Variants in PCNX4 observed in about 807,000 individuals in gnomAD.
The protein encoded by PCNX4 is pecanex 4.
PCNX4 carries 103 observed loss-of-function variants against 107.2 expected under a neutral mutation model. The ratio of observed to expected loss-of-function variants is 0.96; its 90% CI spans 0.82 to 1.13. PCNX4 has a LOEUF of 1.13. Among genes scored for constraint, PCNX4 ranks in the 50% most tolerant of loss-of-function variants. PCNX4 has a pLI of 0.00. For synonymous variants in PCNX4, 541 were observed against 481.7 expected, an observed-to-expected ratio of 1.12 and a Z score of -1.61; for missense variants, 1,528 against 1,379.4, an observed-to-expected ratio of 1.11 and a Z score of -1.71.
intron 1 of PCNX4, among the ~76,000 whole-genome samples, chr14:60,102,726 T>C (rs967189328): frequency 1.3e-5 from 2 of 152,216 alleles, no homozygotes; most frequent in African/African-American, 4.8e-5. Flanking sequence ...TTGAATATTG[T>C]AGAGGTGGCA....
rs747682446 is a variant in PCNX4 at position 60,121,222 on chromosome 14, T to G, written c.1969T>G (p.Leu657Val). The change falls in exon 8 of 11, where the codon TTG (leucine) becomes GTG (valine). Residue 657 changes from leucine (L) to valine (V), a missense_variant. Transcript: ENST00000406854. ...TCTCCTCCTACCTGGATCTCATTACTTGGGCCGTTTTCAGGATCGTTTAAT... is the reference window on the plus strand; with the variant it reads ...TCTCCTCCTACCTGGATCTCATTACGTGGGCCGTTTTCAGGATCGTTTAAT... The part of the protein sequence containing the change: ...LGLLLPGSHY[L>V]GRFQDRLMWI... The G allele has an allele frequency of 1.9e-6, 3 of 1,605,646 alleles. No homozygotes were observed. Among genetic ancestry groups the G allele is most frequent in the Admixed American group, 3.4e-5 (2 of 59,658 alleles).
intron 1 of PCNX4, among the ~76,000 whole-genome samples, chr14:60,095,316 AACAG>A (rs1895403024): frequency 6.6e-6 from 1 of 152,228 alleles, no homozygotes; most frequent in South Asian, 2.1e-4. Flanking sequence ...TACATAAGAT[AACAG>A]ACAAAATGGG....
rs1460760585 is a variant in PCNX4, at chr14:60,135,068, T to G, written c.*847T>G. On this transcript the variant is annotated 3_prime_UTR_variant, in exon 11 of 11. Coordinates refer to ENST00000406854, the MANE Select transcript of PCNX4 (RefSeq NM_001330177.2). ...AAATTTTTATAATACGATCTGAATTTTATTTTCATTCTCTTCTTGCTTAGG... is the reference window on the plus strand; with the variant it reads ...AAATTTTTATAATACGATCTGAATTGTATTTTCATTCTCTTCTTGCTTAGG... 6.6e-6 allele frequency: 1 copy of G among 152,214 alleles called. No homozygotes were observed. Among genetic ancestry groups the G allele is most frequent in the Non-Finnish European group, 1.5e-5 (1 of 68,026 alleles). The allele number at this position is 152,214 out of a possible 1,614,324, so 9.4% of individuals were successfully genotyped here. A position where few individuals can be genotyped will look rare whatever the true frequency, so the allele number is the denominator to read the frequency against.
Position 60,138,915 on chromosome 14 carries a change from A to G in PCNX4, c.*4694A>G, listed in dbSNP as rs1896272526. ...TTGGTGCAGGAATTCTAAGGTCAGA[A>G]TTATCAGAAAGAAGATTAAAGTATA... On this transcript the variant is annotated 3_prime_UTR_variant, in exon 11 of 11. Transcript: ENST00000406854. The G allele has an allele frequency of 6.6e-6, 1 of 152,180 alleles. No individual in the cohort carries two copies. The highest frequency in any genetic ancestry group is 6.5e-5 in the Admixed American group (1 of 15,282). 9.4% of individuals were successfully genotyped at this position (152,180 alleles called of 1,614,324 possible).
chr14:60,107,809 C>G lies in PCNX4; in HGVS notation c.171C>G (p.Val57=). 6.2e-7 allele frequency: 1 copy of G among 1,612,706 alleles called. No individual in the cohort carries two copies. Among genetic ancestry groups the G allele is most frequent in the African/African-American group, 1.3e-5 (1 of 74,996 alleles). Residue 57 remains valine (V), a synonymous_variant, in exon 2 of 11, where the codon GTC becomes GTG. Coordinates refer to ENST00000406854, the MANE Select transcript of PCNX4 (RefSeq NM_001330177.2). The stretch of plus-strand genomic sequence containing the variant: ...TAATGCCATGGGTTTGGGGTGGAGT[C>G]GGAACACTTTTATACCAGTTAGGCA... ...LFLMPWVWGG[V]GTLLYQLGIL...
intron 1 of PCNX4, among the ~76,000 whole-genome samples, chr14:60,099,652 A>G (rs1895491662): frequency 6.6e-6 from 1 of 152,224 alleles, no homozygotes; most frequent in African/African-American, 2.4e-5. Context: ...GTAATAATTT[A>G]TCTTTTAGCT....
chr14:60,108,302 T>G lies in PCNX4; in HGVS notation c.664T>G (p.Phe222Val). The change falls in exon 2 of 11, where the codon TTT becomes GTT. Residue 222 changes from phenylalanine to valine, a missense_variant. Coordinates refer to ENST00000406854, the MANE Select transcript of PCNX4 (RefSeq NM_001330177.2). ...TATGAGACCTCTTTATATTTTTTTC[T>G]TTGTTTCTGTGGATCTGGCACACAG... is the stretch of plus-strand genomic sequence containing the variant. Reference protein sequence around the residue: ...PLMRPLYIFFFVSVDLAHRFV... With the variant: ...PLMRPLYIFFVVSVDLAHRFV... 1 of 1,608,200 alleles carries G rather than the reference T, an allele frequency of 6.2e-7. No individual in the cohort carries two copies. Among genetic ancestry groups the G allele is most frequent in the Non-Finnish European group, 8.5e-7 (1 of 1,178,404 alleles).
intron 8 of PCNX4, among the ~76,000 whole-genome samples, chr14:60,123,293 C>A (rs1895988526): frequency 6.6e-6 from 1 of 151,972 alleles, no homozygotes; most frequent in Non-Finnish European, 1.5e-5. Context: ...TAGGCCATGC[C>A]ATCTATTAAC....
In PCNX4 at chr14:60,124,819, AC is replaced by A; in HGVS notation, c.2651del (p.Pro884LeufsTer26). 1 of 1,613,774 alleles carries A rather than the reference AC, an allele frequency of 6.2e-7. No individual in the cohort carries two copies. Among genetic ancestry groups the A allele is most frequent in the South Asian group, 1.1e-5 (1 of 91,086 alleles). On this transcript the variant is annotated frameshift_variant, in exon 9 of 11. Coordinates refer to ENST00000406854, the MANE Select transcript of PCNX4 (RefSeq NM_001330177.2). LOFTEE classifies it high-confidence loss of function. ...CTTTACAAAGCAGTTCTATTAGGAT[AC>A]CCTGCTGTTGACAAAGGAAAACAAG... ...NDLYKAVLLG[Y>X]PAVDKGKQED...
Position 60,125,719 on chromosome 14 carries a change from T to A in PCNX4, c.3163T>A (p.Tyr1055Asn). The part of the protein sequence containing the change: ...FRELIKYLEE[Y>N]ERDWYIGLVS... ...AGAACTGATTAAGTACCTTGAAGAA[T>A]ATGAACGTGACTGGTACATTGGTTT... Residue 1055 changes from tyrosine to asparagine, a missense_variant, in exon 10 of 11, where the codon TAT becomes AAT. By Grantham distance (143) the Tyr-to-Asn change is moderately radical. Coordinates refer to ENST00000406854, the MANE Select transcript of PCNX4 (RefSeq NM_001330177.2). The A allele has an allele frequency of 6.2e-7, 1 of 1,610,572 alleles. No individual in the cohort carries two copies. Among genetic ancestry groups the A allele is most frequent in the South Asian group, 1.1e-5 (1 of 90,510 alleles).
At position 60,107,619 on chromosome 14, in the gene PCNX4, C is replaced by A; in HGVS notation, c.-20C>A. 6.4e-7 allele frequency: 1 copy of A among 1,563,942 alleles called. No individual in the cohort carries two copies. The highest frequency in any genetic ancestry group is 1.2e-5 in the South Asian group (1 of 84,272). On this transcript the variant is annotated 5_prime_UTR_variant, in exon 2 of 11. Coordinates refer to ENST00000406854, the MANE Select transcript of PCNX4 (RefSeq NM_001330177.2). ...GTGTTACAGAAAAGCATGTGACTTT[C>A]AGAATAATCCCGAGTGAGGATGAGT...
Position 60,136,894 on chromosome 14 carries a change from C to T in PCNX4, c.*2673C>T, listed in dbSNP as rs549405837. The T allele has an allele frequency of 7.2e-5, 11 of 152,538 alleles. No homozygotes were observed. The East Asian group carries it at 1.4e-3, about 19-fold the overall frequency. 9.4% of individuals were successfully genotyped at this position (152,538 alleles called of 1,614,324 possible). On this transcript the variant is annotated 3_prime_UTR_variant, in exon 11 of 11. Coordinates refer to ENST00000406854, the MANE Select transcript of PCNX4 (RefSeq NM_001330177.2). ...GTTAGGCAGCATGTTTCTCACTGCCCGAACCCCTGTGAAATGTTTTACTTT... is the reference window on the plus strand; with the variant it reads ...GTTAGGCAGCATGTTTCTCACTGCCTGAACCCCTGTGAAATGTTTTACTTT...
At chr14:60,129,407 C>G (rs1896114673) in intron 10 of PCNX4, among the ~76,000 whole-genome samples, 1 of 151,926 alleles carries the variant, frequency 6.6e-6, no homozygotes, top group Non-Finnish European at 1.5e-5. Flanking sequence ...TAAAAATTAG[C>G]CAAGTGTGGT....
rs1280670100 is a variant in PCNX4 at position 60,137,209 on chromosome 14, T to A, written c.*2988T>A. ...TGGGCTGCTTTTCTTATAGGAGACA[T>A]GCCAATTCAGGATAAGGTGGTTGAG... On this transcript the variant is annotated 3_prime_UTR_variant, in exon 11 of 11. Coordinates refer to ENST00000406854, the MANE Select transcript of PCNX4 (RefSeq NM_001330177.2). 1 of 152,196 alleles carries A rather than the reference T, an allele frequency of 6.6e-6. No homozygotes were observed. The highest frequency in any genetic ancestry group is 1.5e-5 in the Non-Finnish European group (1 of 68,040). The allele number at this position is 152,196 out of a possible 1,614,324, so 9.4% of individuals were successfully genotyped here. A position where few individuals can be genotyped will look rare whatever the true frequency, so the allele number is the denominator to read the frequency against.
intron 10 of PCNX4, among the ~76,000 whole-genome samples, chr14:60,131,043 A>G (rs1248720382): frequency 6.6e-6 from 1 of 151,244 alleles, no homozygotes; most frequent in Non-Finnish European, 1.5e-5. Context: ...CTTTCTGCTT[A>G]GAACAGAATA....
Position 60,125,229 on chromosome 14 carries a change from C to G in PCNX4, c.3058C>G (p.Gln1020Glu), listed in dbSNP as rs1242970402. The G allele has an allele frequency of 3.2e-6, 5 of 1,579,736 alleles. No individual in the cohort carries two copies. Among genetic ancestry groups the G allele is most frequent in the Admixed American group, 3.8e-5 (2 of 52,670 alleles). ...DWLTEKPELF[Q>E]LALKAFRYTL... The stretch of plus-strand genomic sequence containing the variant: ...GCTCACAGAAAAGCCAGAACTGTTT[C>G]AACTAGCACTGAAAGCATTCAGGTA... Residue 1020 changes from glutamine (Q) to glutamate (E), a missense_variant, in exon 9 of 11, where the codon CAA becomes GAA. Coordinates refer to ENST00000406854, the MANE Select transcript of PCNX4 (RefSeq NM_001330177.2).
At position 60,125,013 on chromosome 14, in the gene PCNX4, T is replaced by C; in HGVS notation, c.2842T>C (p.Tyr948His). Residue 948 changes from tyrosine to histidine, a missense_variant, in exon 9 of 11, where the codon TAT becomes CAT. Tyr to His is a moderately conservative substitution (Grantham distance 83, BLOSUM62 2). Coordinates refer to ENST00000406854, the MANE Select transcript of PCNX4 (RefSeq NM_001330177.2). ...ATTTGTTCTAAGGCAGTTGGAATGT[T>C]ATCATTCAGAAGAGAAGGCCTCAAA... Reference protein sequence around the residue: ...YQFVLRQLECYHSEEKASNVL... With the variant: ...YQFVLRQLECHHSEEKASNVL... The C allele has an allele frequency of 1.9e-6, 3 of 1,613,810 alleles. No individual in the cohort carries two copies. The East Asian group carries it at 6.7e-5, about 36-fold the overall frequency.
At chr14:60,125,893 G>A in intron 10 of PCNX4, 70 bp downstream of exon 10, 3 of 978,230 alleles carry the variant, frequency 3.1e-6, no homozygotes, top group Non-Finnish European at 4.2e-6. Context: ...TAAAGTATTT[G>A]AACTAAGTGA....
At chr14:60,125,350 T>A (rs1896035302) in intron 9 of PCNX4, 99 bp downstream of exon 9, 2 of 1,229,650 alleles carry the variant, frequency 1.6e-6, no homozygotes, top group African/African-American at 1.6e-5. Flanking sequence ...TCTAGTTTTT[T>A]AAAATTTACT....
Sources: gnomAD v4.1 joint callset for allele counts (sites outside exome capture counted in the v4.1 genomes callset) on GRCh38, gnomAD v4.1.1 for gene constraint, MANE v1.5 for transcripts, NCBI Gene and HGNC (gene_info 2026-07-23, HGNC 2026-07-21) for gene names.